Variants in ROBO2 observed in about 807,000 individuals in gnomAD.
The protein encoded by ROBO2 is roundabout guidance receptor 2.
A neutral mutation model predicts 160.8 loss-of-function variants in ROBO2; 53 were observed. The observed-to-expected ratio is 0.33, with a 90% CI of 0.26 to 0.41. ROBO2 has a LOEUF of 0.41. Among genes scored for constraint, ROBO2 ranks in the 10% least tolerant of loss-of-function variants. The pLI is 1.00. For missense variants in ROBO2, 1,577 were observed against 1,722.4 expected (o/e 0.92, Z 1.49); for synonymous variants, 664 against 611.7 (o/e 1.09, Z -1.26).
chr3:77,270,287 C>A (rs11127582), intron 2 of ROBO2, among the ~76,000 whole-genome samples: 122,784 of 152,184 alleles, frequency 0.81, 50,066 homozygotes, highest in East Asian at 0.95. Flanking sequence ...CAAAATGCCA[C>A]GTAATCTTGT....
chr3:76,076,740 T>C (rs1339901358), intron 2 of ROBO2, among the ~76,000 whole-genome samples: 1 of 152,318 alleles, frequency 6.6e-6, no homozygotes, highest in African/African-American at 2.4e-5. Flanking sequence ...ATGTGTTATA[T>C]AGAAGTGCTG....
At chr3:76,939,979 ATTTT>A (rs71104641) in intron 2 of ROBO2, among the ~76,000 whole-genome samples, 3,164 of 120,506 alleles carry the variant, frequency 0.026, 53 homozygotes, top group Middle Eastern at 0.042. Flanking sequence ...AAGCAACAGG[ATTTT>A]TTTTTTTTTT....
intron 2 of ROBO2, among the ~76,000 whole-genome samples, chr3:76,985,066 G>A (rs6762989): frequency 0.29 from 43,355 of 151,804 alleles, 6,759 homozygotes; most frequent in East Asian, 0.64. Context: ...ATCTTAGTTT[G>A]TGTAGAAACA....
At chr3:76,832,067 T>C (rs1021478950) in intron 2 of ROBO2, among the ~76,000 whole-genome samples, 6 of 152,146 alleles carry the variant, frequency 3.9e-5, no homozygotes, top group Non-Finnish European at 8.8e-5. Context: ...AAAATGAATG[T>C]TGGGAAGACA....
At chr3:76,948,664 C>T (rs1307484289) in intron 2 of ROBO2, among the ~76,000 whole-genome samples, 3 of 131,112 alleles carry the variant, frequency 2.3e-5, no homozygotes, top group African/African-American at 8.6e-5. Flanking sequence ...TTTAGTTGTA[C>T]TTAATCTGAT....
rs60357417 is a variant in ROBO2, at chr3:77,374,169, C to CAAAAAAAAA, written c.389-103219_389-103211dup. ...CAGGCCGACAACAGCGAGACTCCAT[C>CAAAAAAAAA]AAAAAAAAAAAAAAAAAAAAAAAAA... On this transcript the variant is annotated intron_variant, in intron 2 of 25. Coordinates refer to ENST00000461745, the Ensembl canonical transcript of ROBO2. 2.0e-4 allele frequency among the ~76,000 whole-genome samples: 8 copies of CAAAAAAAAA among 40,106 alleles called. 1 individual carries two copies. Among genetic ancestry groups the CAAAAAAAAA allele is most frequent in the African/African-American group, 1.0e-3 (7 of 6,758 alleles). The allele number at this position is 40,106 out of a possible 152,430, so 26.3% of individuals were successfully genotyped here.
chr3:76,021,545 A>T (rs765101422), intron 2 of ROBO2, among the ~76,000 whole-genome samples: 12 of 151,786 alleles, frequency 7.9e-5, no homozygotes, highest in Non-Finnish European at 1.6e-4. Flanking sequence ...GATATTGCAG[A>T]TTCAGTTCCA....
intron 7 of ROBO2, among the ~76,000 whole-genome samples, chr3:77,548,946 C>T (rs976423203): frequency 6.6e-6 from 1 of 151,910 alleles, no homozygotes; most frequent in Non-Finnish European, 1.5e-5. Flanking sequence ...TTTCCAGTAT[C>T]CAGTTTTTAC....
intron 2 of ROBO2, among the ~76,000 whole-genome samples, chr3:77,305,018 C>T (rs1432017489): frequency 1.2e-4 from 18 of 152,176 alleles, no homozygotes; most frequent in Admixed American, 1.2e-3. Flanking sequence ...AAACAACCTG[C>T]TTTCAACCTC....
intron 2 of ROBO2, among the ~76,000 whole-genome samples, chr3:76,039,406 C>T (rs942786254): frequency 6.6e-6 from 1 of 151,978 alleles, no homozygotes; most frequent in South Asian, 2.1e-4. Flanking sequence ...TGTAGGCAAT[C>T]ACATATTCTA....
rs149073445 is a variant in ROBO2, at chr3:77,186,212, A to G, written c.388+87872A>G. On this transcript the variant is annotated intron_variant, in intron 2 of 25. Coordinates refer to ENST00000461745, the Ensembl canonical transcript of ROBO2. The stretch of plus-strand genomic sequence containing the variant: ...TTTTTTTTAAGTCAGTGTCATAGGA[A>G]TAGGAGGTTAGAAGTAGACAAAAAT... Among the ~76,000 whole-genome samples, 566 of 152,028 alleles carry G rather than the reference A, an allele frequency of 3.7e-3. 3 individuals carry two copies. Among genetic ancestry groups the G allele is most frequent in the East Asian group, 0.013 (65 of 5,162 alleles).
chr3:77,606,058 T>C (rs2094520611), intron 20 of ROBO2, among the ~76,000 whole-genome samples: 1 of 152,208 alleles, frequency 6.6e-6, no homozygotes, highest in Non-Finnish European at 1.5e-5. Context: ...AAGGTTCATC[T>C]ACCTTAAAGA....
chr3:75,975,423 C>A (rs936646321), intron 2 of ROBO2, among the ~76,000 whole-genome samples: 1 of 151,128 alleles, frequency 6.6e-6, no homozygotes, highest in East Asian at 2.0e-4. Context: ...TAATATATTT[C>A]GGTAGCCTCT....
chr3:75,915,251 A>C (rs1261620191), intron 1 of ROBO2, among the ~76,000 whole-genome samples: 1 of 152,224 alleles, frequency 6.6e-6, no homozygotes, highest in East Asian at 1.9e-4. Flanking sequence ...TGGCTTTTCT[A>C]AGCATAAGAG....
At chr3:77,441,164 C>CTG (rs2079884527) in intron 2 of ROBO2, among the ~76,000 whole-genome samples, 1 of 151,984 alleles carries the variant, frequency 6.6e-6, no homozygotes, top group Non-Finnish European at 1.5e-5. Context: ...CGTTGCCCAA[C>CTG]TGGCTTTACA....
chr3:76,724,885 G>A (rs1026974459), intron 2 of ROBO2, among the ~76,000 whole-genome samples: 1 of 152,164 alleles, frequency 6.6e-6, no homozygotes, highest in Non-Finnish European at 1.5e-5. Flanking sequence ...GGATTCCATA[G>A]GCGCAGAAAA....
In ROBO2 at chr3:76,978,946, A is replaced by ATTT. The variant is rs1390596475; in HGVS notation, c.110-119068_110-119067insTTT. On this transcript the variant is annotated intron_variant, in intron 2 of 26. Coordinates refer to the ROBO2 transcript ENST00000487694. ...TTTTTGTTTGTTTGTTTGTTTTTTA[A>ATTT]AAAAAAAAAAAAGAAAAACAGGGTC... 2.6e-3 allele frequency among the ~76,000 whole-genome samples: 376 copies of ATTT among 143,482 alleles called. 1 individual carries two copies. Among genetic ancestry groups the ATTT allele is most frequent in the Admixed American group, 6.4e-3 (93 of 14,432 alleles). 94.1% of individuals were successfully genotyped at this position (143,482 alleles called of 152,430 possible). A position where few individuals can be genotyped will look rare whatever the true frequency, so the allele number is the denominator to read the frequency against.
At chr3:77,631,933 G>A (rs75680244) in intron 23 of ROBO2, 1 of 151,968 alleles carries the variant, frequency 6.6e-6, no homozygotes, top group Non-Finnish European at 1.5e-5. Flanking sequence ...CTTTGATATT[G>A]TTTATACATT....
intron 2 of ROBO2, among the ~76,000 whole-genome samples, chr3:77,234,544 A>G (rs1249551436): frequency 6.6e-6 from 1 of 152,204 alleles, no homozygotes; most frequent in Non-Finnish European, 1.5e-5. Context: ...TGAAAGATGC[A>G]TATATTAGAA....
Sources: gnomAD v4.1 joint callset for allele counts (sites outside exome capture counted in the v4.1 genomes callset) on GRCh38, gnomAD v4.1.1 for gene constraint, MANE v1.5 for transcripts, NCBI Gene and HGNC (gene_info 2026-07-23, HGNC 2026-07-21) for gene names.